The following SMCP variants were observed in gnomAD, a reference collection of about 807,000 sequenced individuals.
The protein encoded by SMCP is sperm mitochondrial-associated cysteine-rich protein.
For synonymous variants in SMCP, 41 were observed against 46.9 expected (o/e 0.87, Z 0.51); for missense variants, 137 against 137.1 (o/e 1.00, Z 0.01).
At chr1:152,880,916 C>G (rs890860064) in intron 1 of SMCP, among the ~76,000 whole-genome samples, 2 of 26,062 alleles carry the variant, frequency 7.7e-5, no homozygotes, top group Non-Finnish European at 1.8e-4. Flanking sequence ...TCTTCTCTCA[C>G]CCTAATGCTG....
chr1:152,881,547 G>A (rs1649044733), intron 1 of SMCP, among the ~76,000 whole-genome samples: 2 of 151,258 alleles, frequency 1.3e-5, no homozygotes, highest in African/African-American at 4.9e-5. Flanking sequence ...AATTAGCCGG[G>A]CGTGGTGGCG....
intron 1 of SMCP, 61 bp from the exon 2 acceptor site, chr1:152,884,342 G>A: frequency 7.3e-7 from 1 of 1,364,706 alleles, no homozygotes; most frequent in Non-Finnish European, 1.0e-6. Flanking sequence ...GTCAAGAAAG[G>A]AGGAAATGAA....
chr1:152,880,063 C>T (rs191703339), intron 1 of SMCP, among the ~76,000 whole-genome samples: 4 of 151,838 alleles, frequency 2.6e-5, no homozygotes, highest in Admixed American at 6.6e-5. Flanking sequence ...AAAGGTAAAC[C>T]AGAGACAAAA....
intron 1 of SMCP, among the ~76,000 whole-genome samples, chr1:152,879,369 C>T (rs919259846): frequency 7.2e-5 from 11 of 152,050 alleles, no homozygotes; most frequent in African/African-American, 2.7e-4. Flanking sequence ...TACAGGTGCA[C>T]GCCACCACAC....
rs374700229 is a variant in SMCP at position 152,884,412 on chromosome 1, G to C, written c.-11G>C. On this transcript the variant is annotated 5_prime_UTR_variant, in exon 2 of 2. Transcript: ENST00000368765. ...TATTTTCTTTTTCTAGTACCTCCAA[G>C]TGTTCAGAAGATGTGTGACCAGACA... 3.4e-5 allele frequency: 55 copies of C among 1,613,636 alleles called. No individual in the cohort carries two copies. In the African/African-American group the frequency reaches 6.0e-4, roughly 18 times the overall value.
chr1:152,881,678 G>A (rs981930893), intron 1 of SMCP, among the ~76,000 whole-genome samples: 21 of 140,244 alleles, frequency 1.5e-4, no homozygotes, highest in African/African-American at 5.9e-4. Flanking sequence ...CTGGGCGACA[G>A]AGCGAGACTC....
intron 1 of SMCP, among the ~76,000 whole-genome samples, chr1:152,879,506 C>T (rs1648972952): frequency 6.6e-6 from 1 of 152,148 alleles, no homozygotes; most frequent in African/African-American, 2.4e-5. Flanking sequence ...CAGGTGTGAG[C>T]CATTGTGCCC....
At chr1:152,881,406 C>T (rs1016063544) in intron 1 of SMCP, among the ~76,000 whole-genome samples, 2 of 152,072 alleles carry the variant, frequency 1.3e-5, no homozygotes, top group African/African-American at 2.4e-5. Flanking sequence ...AGATACTACC[C>T]GGCCGGGCGC....
chr1:152,882,395 G>C (rs1278859257), intron 1 of SMCP, among the ~76,000 whole-genome samples: 1 of 152,204 alleles, frequency 6.6e-6, no homozygotes, highest in African/African-American at 2.4e-5. Context: ...ATCAGGGAGA[G>C]TGTTTGGAGC....
chr1:152,882,427 G>C (rs139447243), intron 1 of SMCP, among the ~76,000 whole-genome samples: 3 of 152,188 alleles, frequency 2.0e-5, no homozygotes, highest in South Asian at 2.1e-4. Context: ...GAAGCAGCCT[G>C]ACAGCAGGTC....
intron 1 of SMCP, among the ~76,000 whole-genome samples, chr1:152,883,677 C>T (rs1649122151): frequency 6.6e-6 from 1 of 152,164 alleles, no homozygotes. Flanking sequence ...GGAAGAGGTA[C>T]AAGCCCAGAG....
chr1:152,883,266 C>T (rs1456146835), intron 1 of SMCP, among the ~76,000 whole-genome samples: 1 of 152,154 alleles, frequency 6.6e-6, no homozygotes, highest in East Asian at 1.9e-4. Context: ...AGAGGGGGTA[C>T]AGGCTCATTT....
chr1:152,884,249 G>A (rs1014093430), intron 1 of SMCP, among the ~76,000 whole-genome samples, 154 bp from the exon 2 acceptor site: 3 of 152,172 alleles, frequency 2.0e-5, no homozygotes, highest in African/African-American at 7.2e-5. Flanking sequence ...GAATTATGGG[G>A]CTGGCTGGCC....
chr1:152,881,364 G>A (rs1277859229), intron 1 of SMCP, among the ~76,000 whole-genome samples: 1 of 152,064 alleles, frequency 6.6e-6, no homozygotes, highest in Admixed American at 6.5e-5. Flanking sequence ...TGTCCTACTG[G>A]GGTGGATTAG....
chr1:152,882,528 C>T (rs976706394), intron 1 of SMCP, among the ~76,000 whole-genome samples: 1 of 152,186 alleles, frequency 6.6e-6, no homozygotes, highest in African/African-American at 2.4e-5. Flanking sequence ...TTCACACTGG[C>T]TCTAACTGTA....
chr1:152,882,379 C>A (rs1267117189), intron 1 of SMCP, among the ~76,000 whole-genome samples: 2 of 152,208 alleles, frequency 1.3e-5, no homozygotes, highest in Non-Finnish European at 2.9e-5. Flanking sequence ...ATGTGGCTTT[C>A]TAAACATCAG....
chr1:152,882,613 A>G (rs915422311), intron 1 of SMCP, among the ~76,000 whole-genome samples: 4 of 152,190 alleles, frequency 2.6e-5, no homozygotes, highest in Admixed American at 6.5e-5. Flanking sequence ...TCTTCTCTCC[A>G]TGTACCTATA....
rs1570902384 is a variant in SMCP, at chr1:152,884,293, T to A, written c.-20-110T>A. 6.1e-6 allele frequency: 6 copies of A among 977,422 alleles called. No individual in the cohort carries two copies. In the East Asian group the frequency reaches 1.6e-4, roughly 26 times the overall value. The allele number at this position is 977,422 out of a possible 1,614,324, so 60.5% of individuals were successfully genotyped here. ...GGATCCAGCTCTGCTTTCTCAACCCTGGTCTGAGTCATTATCCTGAAGATG... is the reference window on the plus strand; with the variant it reads ...GGATCCAGCTCTGCTTTCTCAACCCAGGTCTGAGTCATTATCCTGAAGATG... On this transcript the variant is annotated intron_variant, in intron 1 of 1. Coordinates refer to ENST00000368765, the MANE Select transcript of SMCP (RefSeq NM_030663.3).
rs1649161880 is a variant in SMCP at position 152,884,674 on chromosome 1, C to A, written c.252C>A (p.Asn84Lys). Reference sequence around the variant, plus strand: ...CCAAGCCTGAAGTCTCACCCCTTAACATGGAGTCTGAGCCCAACTCACCGC... The same window carrying A: ...CCAAGCCTGAAGTCTCACCCCTTAAAATGGAGTCTGAGCCCAACTCACCGC... ...LETKPEVSPLNMESEPNSPQT... is the reference protein window; with the variant it reads ...LETKPEVSPLKMESEPNSPQT... Residue 84 changes from asparagine to lysine, a missense_variant, in exon 2 of 2, where the codon AAC (asparagine) becomes AAA (lysine). Asn to Lys is a moderately conservative substitution (Grantham distance 94). Transcript: ENST00000368765. 2 of 1,614,196 alleles carry A rather than the reference C, an allele frequency of 1.2e-6. No individual in the cohort carries two copies. The highest frequency in any genetic ancestry group is 2.7e-5 in the African/African-American group (2 of 75,038).
Sources: gnomAD v4.1 joint callset for allele counts (sites outside exome capture counted in the v4.1 genomes callset) on GRCh38, gnomAD v4.1.1 for gene constraint, MANE v1.5 for transcripts, NCBI Gene and HGNC (gene_info 2026-07-23, HGNC 2026-07-21) for gene names.